SCN2A: variants seen among roughly 807,000 people sequenced by gnomAD.
The protein encoded by SCN2A is sodium voltage-gated channel alpha subunit 2, also known as sodium channel protein type 2 subunit alpha.
SCN2A carries 20 observed loss-of-function variants against 188.7 expected under a neutral mutation model. The observed-to-expected ratio is 0.11, with a 90% CI of 0.07 to 0.15. The LOEUF (loss-of-function observed/expected upper bound fraction) is 0.15. Ranked by LOEUF, SCN2A falls within the 10% of genes least tolerant of loss-of-function variation. SCN2A has a pLI of 1.00. For missense variants in SCN2A, 1,278 were observed against 2,445.0 expected, an observed-to-expected ratio of 0.52 and a Z score of 10.07; for synonymous variants, 804 against 833.1, an observed-to-expected ratio of 0.97 and a Z score of 0.60.
chr2:165,257,936 TGAAAAGTGTC>T (rs1694401957), intron 1 of SCN2A, among the ~76,000 whole-genome samples: 1 of 152,210 alleles, frequency 6.6e-6, no homozygotes, highest in Non-Finnish European at 1.5e-5. Context: ...GTATGTCACT[TGAAAAGTGTC>T]TGCTCACGTC....
chr2:165,382,707 A>G (rs1383066197), intron 25 of SCN2A, among the ~76,000 whole-genome samples: 2 of 152,156 alleles, frequency 1.3e-5, no homozygotes, highest in East Asian at 3.8e-4. Context: ...TGTTGGTTCC[A>G]CTATCATATA....
At chr2:165,315,851 A>T in intron 11 of SCN2A, 93 bp downstream of exon 11, 1 of 1,364,552 alleles carries the variant, frequency 7.3e-7, no homozygotes. Context: ...TTCCACCTGG[A>T]TGGCACAATG....
chr2:165,390,020 T>A lies in SCN2A; in HGVS notation c.*196T>A. The A allele has an allele frequency of 2.5e-6, 2 of 816,142 alleles. No homozygotes were observed. The highest frequency in any genetic ancestry group is 3.7e-6 in the Non-Finnish European group (2 of 546,506). 50.6% of individuals were successfully genotyped at this position (816,142 alleles called of 1,614,324 possible). A position where few individuals can be genotyped will look rare whatever the true frequency, so the allele number is the denominator to read the frequency against. ...GGAACTCAGTAAACTGGAGAAATAG[T>A]ATCGATGGGAGGTTTCTATTTTCAC... On this transcript the variant is annotated 3_prime_UTR_variant, in exon 27 of 27. Coordinates refer to ENST00000375437, the MANE Select transcript of SCN2A (RefSeq NM_001040142.2).
chr2:165,344,012 A>T (rs937450212), intron 15 of SCN2A, among the ~76,000 whole-genome samples: 2 of 152,116 alleles, frequency 1.3e-5, no homozygotes, highest in Non-Finnish European at 2.9e-5. Flanking sequence ...GTACACTGAA[A>T]ACTATATCTG....
At chr2:165,281,246 G>T (rs1417971103) in intron 1 of SCN2A, among the ~76,000 whole-genome samples, 1 of 152,042 alleles carries the variant, frequency 6.6e-6, no homozygotes. Context: ...AGGGGAAGTT[G>T]AAGTTATAGA....
At chr2:165,350,294 T>C (rs1486565360) in intron 16 of SCN2A, among the ~76,000 whole-genome samples, 7 of 152,078 alleles carry the variant, frequency 4.6e-5, no homozygotes, top group African/African-American at 1.7e-4. Context: ...AATTAAAATA[T>C]GTAATATGTT....
rs376987867 is a variant in SCN2A at position 165,311,498 on chromosome 2, A to G, written c.971-527A>G. 5.3e-5 allele frequency among the ~76,000 whole-genome samples: 8 copies of G among 152,266 alleles called. No individual in the cohort carries two copies. In the East Asian group the frequency reaches 1.2e-3, roughly 22 times the overall value. ...AAGGCAGAAATCAAGCAAAAATTTC[A>G]AACAAAACACTTATTTACAGTATCA... is the stretch of plus-strand genomic sequence containing the variant. On this transcript the variant is annotated intron_variant, in intron 7 of 26. Transcript: ENST00000375437.
chr2:165,291,884 C>T (rs1696223926), intron 1 of SCN2A, among the ~76,000 whole-genome samples: 1 of 151,894 alleles, frequency 6.6e-6, no homozygotes, highest in African/African-American at 2.4e-5. Context: ...CGGCATTACC[C>T]TGGACAGAGT....
At chr2:165,361,699 G>A (rs1158401801) in intron 17 of SCN2A, among the ~76,000 whole-genome samples, 1 of 152,038 alleles carries the variant, frequency 6.6e-6, no homozygotes, top group Non-Finnish European at 1.5e-5. Flanking sequence ...AGTGGGGAAG[G>A]ATAAGATTGC....
At chr2:165,282,311 C>T (rs1425393110) in intron 1 of SCN2A, among the ~76,000 whole-genome samples, 11 of 152,098 alleles carry the variant, frequency 7.2e-5, no homozygotes, top group African/African-American at 2.2e-4. Flanking sequence ...ATTGACTTCT[C>T]TGACCCCAAT....
At chr2:165,358,285 T>C (rs1322006660) in intron 17 of SCN2A, among the ~76,000 whole-genome samples, 2 of 152,150 alleles carry the variant, frequency 1.3e-5, no homozygotes, top group Non-Finnish European at 2.9e-5. Context: ...CAGTTTTTTA[T>C]TTAGTGTAAT....
At chr2:165,351,776 G>A (rs879742500) in intron 16 of SCN2A, among the ~76,000 whole-genome samples, 13 of 151,532 alleles carry the variant, frequency 8.6e-5, no homozygotes, top group Non-Finnish European at 1.6e-4. Context: ...TACTTTTATT[G>A]TTATTATGAT....
In SCN2A at chr2:165,392,193, G is replaced by T. The variant is rs1702144863; in HGVS notation, c.*2369G>T. ...CTTTCAATTTTTTCATGGAATGGAAGTTAATTAAGAAGAGTGTATTGGATA... is the reference window on the plus strand; with the variant it reads ...CTTTCAATTTTTTCATGGAATGGAATTTAATTAAGAAGAGTGTATTGGATA... On this transcript the variant is annotated 3_prime_UTR_variant, in exon 27 of 27. Transcript: ENST00000375437. 6.6e-6 allele frequency: 1 copy of T among 152,484 alleles called. No individual in the cohort carries two copies. The highest frequency in any genetic ancestry group is 2.4e-5 in the African/African-American group (1 of 41,414). 9.4% of individuals were successfully genotyped at this position (152,484 alleles called of 1,614,324 possible).
chr2:165,381,093 T>C lies in SCN2A; in HGVS notation c.4447T>C (p.Phe1483Leu). 6.4e-7 allele frequency: 1 copy of C among 1,570,418 alleles called. No individual in the cohort carries two copies. Among genetic ancestry groups the C allele is most frequent in the Non-Finnish European group, 8.7e-7 (1 of 1,152,348 alleles). ...ACAAGTGTTGCTTTCATTTCTTTAC[T>C]TTGGAGGTCAAGACATTTTTATGAC... ...IDNFNQQKKK[F>L]GGQDIFMTEE... Residue 1483 changes from phenylalanine (F) to leucine (L), a missense_variant and splice_region_variant, in exon 25 of 27, where the codon TTT becomes CTT. By Grantham distance (22) the Phe-to-Leu change is conservative. Coordinates refer to ENST00000375437, the MANE Select transcript of SCN2A (RefSeq NM_001040142.2).
intron 6 of SCN2A, among the ~76,000 whole-genome samples, chr2:165,309,652 A>G (rs1697328718): frequency 6.6e-6 from 1 of 152,168 alleles, no homozygotes; most frequent in Non-Finnish European, 1.5e-5. Context: ...TTTGAGTTTA[A>G]CAAGTGTTGC....
chr2:165,313,842 A>G (rs1697575781), intron 9 of SCN2A, 60 bp from the exon 10 acceptor site: 2 of 1,611,080 alleles, frequency 1.2e-6, no homozygotes, highest in Admixed American at 3.3e-5. Context: ...TTTATTACTT[A>G]GAGTGTAAGT....
intron 17 of SCN2A, among the ~76,000 whole-genome samples, chr2:165,363,721 A>G (rs897674053): frequency 6.6e-6 from 1 of 152,136 alleles, no homozygotes; most frequent in African/African-American, 2.4e-5. Context: ...TAGTAATTTG[A>G]TATACCTGAT....
At chr2:165,249,450 T>C (rs1693998061) in intron 1 of SCN2A, among the ~76,000 whole-genome samples, 2 of 151,792 alleles carry the variant, frequency 1.3e-5, no homozygotes, top group South Asian at 4.1e-4. Flanking sequence ...AATTATGCTC[T>C]TTTTTTAAAG....
chr2:165,260,970 CAAAAA>C (rs760304392), intron 1 of SCN2A, among the ~76,000 whole-genome samples: 4 of 90,390 alleles, frequency 4.4e-5, no homozygotes, highest in Non-Finnish European at 6.3e-5. Context: ...AACTCCGTCT[CAAAAA>C]AAAAAAAAAA....
Sources: gnomAD v4.1 joint callset for allele counts (sites outside exome capture counted in the v4.1 genomes callset) on GRCh38, gnomAD v4.1.1 for gene constraint, MANE v1.5 for transcripts, NCBI Gene and HGNC (gene_info 2026-07-23, HGNC 2026-07-21) for gene names.